The following SLC23A2 variants were observed in gnomAD, a reference collection of about 807,000 sequenced individuals.
SLC23A2 encodes the protein solute carrier family 23 member 2.
SLC23A2 carries 36 observed loss-of-function variants against 73.3 expected under a neutral mutation model. The observed-to-expected ratio is 0.49, with a 90% CI of 0.38 to 0.65. The LOEUF (loss-of-function observed/expected upper bound fraction) is 0.65. Among genes scored for constraint, SLC23A2 ranks in the 30% least tolerant of loss-of-function variants. SLC23A2 has a pLI of 0.00. For missense variants in SLC23A2, 507 were observed against 841.6 expected, an observed-to-expected ratio of 0.60 and a Z score of 4.92; for synonymous variants, 343 against 327.3, an observed-to-expected ratio of 1.05 and a Z score of -0.52.
rs1222864029 is a variant in SLC23A2 at position 4,856,966 on chromosome 20, C to G, written c.*6G>C. 1 of 1,603,532 alleles carries G rather than the reference C, an allele frequency of 6.2e-7. No homozygotes were observed. The highest frequency in any genetic ancestry group is 1.7e-5 in the Admixed American group (1 of 59,976). On this transcript the variant is annotated 3_prime_UTR_variant, in exon 17 of 17. Transcript: ENST00000338244. This position sits in a 1 kb window ranked among gnomAD's most constrained non-coding sequence, Gnocchi z 4.6. ...ACTGCGGCCAGGCCACAGGGCACAG[C>G]AAAGGCTATCCCGTGGCCTGGGAGT...
At chr20:4,875,209 T>C (rs1280953027) in intron 9 of SLC23A2, among the ~76,000 whole-genome samples, 5 of 152,374 alleles carry the variant, frequency 3.3e-5, no homozygotes, top group African/African-American at 1.2e-4. Context: ...CCCACTTTTC[T>C]GTATTTTCCA....
chr20:4,877,032 G>A (rs546359466), intron 9 of SLC23A2, among the ~76,000 whole-genome samples: 1 of 152,000 alleles, frequency 6.6e-6, no homozygotes, highest in South Asian at 2.1e-4. Flanking sequence ...GGACGGGGGA[G>A]GGATAGCATT....
chr20:4,958,055 A>G (rs1418719457), intron 2 of SLC23A2, among the ~76,000 whole-genome samples: 1 of 152,186 alleles, frequency 6.6e-6, no homozygotes, highest in African/African-American at 2.4e-5. Context: ...AAGTAAAAAC[A>G]CTTCATCCAA....
chr20:4,910,076 C>T (rs548940798), intron 4 of SLC23A2, among the ~76,000 whole-genome samples: 1 of 152,080 alleles, frequency 6.6e-6, no homozygotes, highest in African/African-American at 2.4e-5. Context: ...TTCCTGAGAG[C>T]CTTCCACTAC....
rs868027397 is a variant in SLC23A2 at position 4,876,892 on chromosome 20, A to G, written c.825-2196T>C. Among the ~76,000 whole-genome samples, 3 of 152,262 alleles carry G rather than the reference A, an allele frequency of 2.0e-5. No individual in the cohort carries two copies. In the East Asian group the frequency reaches 5.8e-4, roughly 29 times the overall value. On this transcript the variant is annotated intron_variant, in intron 9 of 16. Coordinates refer to ENST00000338244, the MANE Select transcript of SLC23A2 (RefSeq NM_005116.6). ...ACATGAACAGGTTATTATCTAAGCC[A>G]AACTGGAATCATGCTTTACGCAGCT... is the stretch of plus-strand genomic sequence containing the variant.
intron 2 of SLC23A2, among the ~76,000 whole-genome samples, chr20:4,965,367 A>G (rs954329000): frequency 2.0e-5 from 3 of 152,164 alleles, no homozygotes; most frequent in Non-Finnish European, 4.4e-5. Flanking sequence ...CAACTCTTCC[A>G]AGGGCTGTCT....
rs185301765 is a variant in SLC23A2, at chr20:4,996,661, A to G, written c.-282+4745T>C. Among the ~76,000 whole-genome samples the G allele has an allele frequency of 2.0e-3, 266 of 130,190 alleles. 1 individual carries two copies. Among genetic ancestry groups the G allele is most frequent in the African/African-American group, 7.6e-3 (257 of 33,902 alleles). 85.4% of individuals were successfully genotyped at this position (130,190 alleles called of 152,430 possible). On this transcript the variant is annotated intron_variant, in intron 1 of 16. Transcript: ENST00000338244. ...AGGTCACACCACTGCACTCCAGCCT[A>G]GGTGACAGAGCAAGATTCCATCTCA... is the stretch of plus-strand genomic sequence containing the variant.
At chr20:4,942,002 CTAAACTAACT>C (rs147059270) in intron 2 of SLC23A2, among the ~76,000 whole-genome samples, 1,682 of 152,124 alleles carry the variant, frequency 0.011, 18 homozygotes, top group Non-Finnish European at 0.019. Context: ...TCTATATTTT[CTAAACTAACT>C]TAACTACAAA....
chr20:4,974,331 G>A (rs186216814), intron 1 of SLC23A2, among the ~76,000 whole-genome samples: 1 of 152,210 alleles, frequency 6.6e-6, no homozygotes, highest in East Asian at 1.9e-4. Context: ...GCCAGGCATG[G>A]TGGCGCATGC....
rs552745637 is a variant in SLC23A2, at chr20:4,986,055, T to C, written c.-281-15136A>G. Among the ~76,000 whole-genome samples, 104 of 152,344 alleles carry C rather than the reference T, an allele frequency of 6.8e-4. 1 individual carries two copies. The highest frequency in any genetic ancestry group is 6.6e-3 in the South Asian group (32 of 4,828). On this transcript the variant is annotated intron_variant, in intron 1 of 16. Transcript: ENST00000338244. ...GTCTGGTTTCTTTTCCATAGGATAG[T>C]ATGAATAATTAACCTTTCTAAATCA...
At chr20:4,894,592 G>A (rs1931451059) in intron 6 of SLC23A2, among the ~76,000 whole-genome samples, 1 of 152,192 alleles carries the variant, frequency 6.6e-6, no homozygotes, top group Non-Finnish European at 1.5e-5. Context: ...AAGCCAGCAG[G>A]GAGGGGAACC....
At chr20:4,904,532 A>G (rs1173965550) in intron 4 of SLC23A2, among the ~76,000 whole-genome samples, 2 of 152,102 alleles carry the variant, frequency 1.3e-5, no homozygotes, top group Non-Finnish European at 2.9e-5. Flanking sequence ...CTCATAAATC[A>G]CAGAACCTGA....
intron 6 of SLC23A2, among the ~76,000 whole-genome samples, chr20:4,896,343 C>T (rs1255538841): frequency 6.6e-6 from 1 of 152,164 alleles, no homozygotes; most frequent in East Asian, 1.9e-4. Context: ...ACCGGAGCCC[C>T]AGCTCACTGC....
At position 4,902,915 on chromosome 20, in the gene SLC23A2, T is replaced by TGA. The variant is rs1437960811; in HGVS notation, c.208-359_208-358dup. On this transcript the variant is annotated intron_variant, in intron 4 of 16. Transcript: ENST00000338244. This position sits in a 1 kb window ranked among gnomAD's most constrained non-coding sequence, Gnocchi z 4.0. ...TACCTTGGCACGAGCAGTCCTTGCG[T>TGA]GAGACCCCAGATGAAAAAAATCTTA... is the stretch of plus-strand genomic sequence containing the variant. Among the ~76,000 whole-genome samples the TGA allele has an allele frequency of 9.9e-5, 15 of 152,184 alleles. No individual in the cohort carries two copies. In the South Asian group the frequency reaches 3.1e-3, roughly 32 times the overall value.
chr20:4,891,306 C>CA (rs1455990976), intron 6 of SLC23A2, among the ~76,000 whole-genome samples: 2 of 152,178 alleles, frequency 1.3e-5, no homozygotes, highest in African/African-American at 4.8e-5. Flanking sequence ...CAAGAGGACT[C>CA]AATCAGACTC....
chr20:4,939,395 G>A (rs1249893027), intron 2 of SLC23A2, among the ~76,000 whole-genome samples: 1 of 152,100 alleles, frequency 6.6e-6, no homozygotes, highest in Admixed American at 6.5e-5. Flanking sequence ...CACCATCAAT[G>A]TACACCGACC....
chr20:4,906,655 CA>C (rs1206202846), intron 4 of SLC23A2, among the ~76,000 whole-genome samples: 1 of 151,946 alleles, frequency 6.6e-6, no homozygotes, highest in Non-Finnish European at 1.5e-5. Flanking sequence ...AACCAAAAAA[CA>C]AAAAACCCAA....
chr20:4,960,577 G>C (rs1052186344), intron 2 of SLC23A2, among the ~76,000 whole-genome samples: 2 of 152,250 alleles, frequency 1.3e-5, no homozygotes, highest in Non-Finnish European at 2.9e-5. Flanking sequence ...TTTCCAGAGT[G>C]ATTAAGTAGG....
intron 16 of SLC23A2, 130 bp downstream of exon 16, chr20:4,859,159 A>G: frequency 1.6e-6 from 1 of 645,110 alleles, no homozygotes; most frequent in Non-Finnish European, 2.8e-6. Flanking sequence ...CTGTTTTAGA[A>G]AACAGTTATA....
Sources: allele counts gnomAD v4.1 joint callset (sites outside exome capture counted in the v4.1 genomes callset), GRCh38; gene constraint gnomAD v4.1.1; non-coding constraint Gnocchi (gnomAD v3.1); transcripts MANE v1.5; gene names NCBI Gene and HGNC (gene_info 2026-07-23, HGNC 2026-07-21).